Variants in PTPRD observed in about 807,000 individuals in gnomAD.
PTPRD encodes protein tyrosine phosphatase receptor type D, also known as receptor-type tyrosine-protein phosphatase delta.
In PTPRD, 34 loss-of-function variants were observed where a neutral mutation model predicts 214.5. The ratio of observed to expected loss-of-function variants is 0.16; its 90% CI spans 0.12 to 0.21. The LOEUF (loss-of-function observed/expected upper bound fraction) is 0.21. Ranked by LOEUF, PTPRD falls within the 10% of genes least tolerant of loss-of-function variation. The pLI, the probability that PTPRD is intolerant of heterozygous loss-of-function variation, is 1.00. For synonymous variants in PTPRD, 1,128 were observed against 845.7 expected, an observed-to-expected ratio of 1.33 and a Z score of -5.79; for missense variants, 2,545 against 2,398.7, an observed-to-expected ratio of 1.06 and a Z score of -1.27.
In PTPRD at chr9:8,641,811, C is replaced by A. The variant is rs563546914; in HGVS notation, c.65-4967G>T. ...AGTTAGATTGTTTCTTAAAGTCTAA[C>A]CAATGCACAGTATCTTTGAACCTAA... On this transcript the variant is annotated intron_variant, in intron 12 of 45. Coordinates refer to ENST00000381196, the MANE Select transcript of PTPRD (RefSeq NM_002839.4). 2.4e-4 allele frequency among the ~76,000 whole-genome samples: 37 copies of A among 152,304 alleles called. No individual in the cohort carries two copies. The South Asian group carries it at 7.1e-3, about 29-fold the overall frequency.
chr9:10,277,940 T>C (rs2094817807), intron 3 of PTPRD, among the ~76,000 whole-genome samples: 2 of 151,886 alleles, frequency 1.3e-5, no homozygotes, highest in African/African-American at 4.8e-5. Context: ...GGGCGGATCA[T>C]GAGGTCGGGA....
intron 2 of PTPRD, among the ~76,000 whole-genome samples, chr9:10,457,351 A>G (rs75804039): frequency 0.012 from 1,823 of 151,936 alleles, 33 homozygotes; most frequent in African/African-American, 0.04. Context: ...CATTATTTGA[A>G]CTTCTATTTC....
intron 10 of PTPRD, among the ~76,000 whole-genome samples, chr9:9,070,784 A>G (rs896205160): frequency 6.6e-6 from 1 of 152,184 alleles, no homozygotes; most frequent in Non-Finnish European, 1.5e-5. Context: ...ATCACACTTT[A>G]TAAGTAAAAC....
At chr9:10,382,926 G>C (rs7847228) in intron 2 of PTPRD, among the ~76,000 whole-genome samples, 4,720 of 150,452 alleles carry the variant, frequency 0.031, 240 homozygotes, top group African/African-American at 0.11. Flanking sequence ...TGAGGAGAGA[G>C]ACCGTCCCTT....
chr9:10,606,694 T>G (rs1273059220), intron 2 of PTPRD, among the ~76,000 whole-genome samples: 1 of 151,842 alleles, frequency 6.6e-6, no homozygotes, highest in African/African-American at 2.4e-5. Flanking sequence ...AATGGAAGTA[T>G]TCCTATGATA....
At chr9:10,322,084 G>C (rs12376577) in intron 3 of PTPRD, among the ~76,000 whole-genome samples, 1 of 151,794 alleles carries the variant, frequency 6.6e-6, no homozygotes, top group Admixed American at 6.6e-5. Context: ...TGAACCATCC[G>C]CATGAGGGTT....
At chr9:10,140,784 G>C (rs1345255502) in intron 3 of PTPRD, among the ~76,000 whole-genome samples, 2 of 151,896 alleles carry the variant, frequency 1.3e-5, no homozygotes, top group African/African-American at 4.8e-5. Context: ...AAGCCGGGCA[G>C]AGACACAACC....
In PTPRD at chr9:8,389,267, C is replaced by T; in HGVS notation, c.4351G>A (p.Val1451Ile). 1 of 1,612,092 alleles carries T rather than the reference C, an allele frequency of 6.2e-7. No homozygotes were observed. The highest frequency in any genetic ancestry group is 8.5e-7 in the Non-Finnish European group (1 of 1,178,992). The change falls in exon 37 of 46, where the codon GTT (valine) becomes ATT (isoleucine). Residue 1451 changes from valine to isoleucine, a missense_variant. By Grantham distance (29) the Val-to-Ile change is conservative. Transcript: ENST00000381196. The stretch of plus-strand genomic sequence containing the variant: ...TCTTCTAGTTTTGTCATCATGACAA[C>T]TGTGGCACTCCGTTGTTCCCATATC... ...RMIWEQRSAT[V>I]VMMTKLEERS...
intron 3 of PTPRD, among the ~76,000 whole-genome samples, chr9:10,118,233 T>TATGA (rs1279731533): frequency 6.6e-6 from 1 of 151,670 alleles, no homozygotes; most frequent in African/African-American, 2.4e-5. Context: ...TCTATCTATC[T>TATGA]ACATATATCC....
chr9:9,058,460 T>C (rs2099700619), intron 10 of PTPRD, among the ~76,000 whole-genome samples: 1 of 106,452 alleles, frequency 9.4e-6, no homozygotes, highest in Non-Finnish European at 2.1e-5. Context: ...TTTTTTTTTT[T>C]TTTTTTTTGA....
At chr9:8,710,320 G>A (rs1324805034) in intron 12 of PTPRD, among the ~76,000 whole-genome samples, 1 of 151,918 alleles carries the variant, frequency 6.6e-6, no homozygotes, top group Non-Finnish European at 1.5e-5. Flanking sequence ...AAATCAAGAG[G>A]ATATTAAAAA....
chr9:10,445,838 T>C (rs2154524779), intron 2 of PTPRD, among the ~76,000 whole-genome samples: 1 of 152,108 alleles, frequency 6.6e-6, no homozygotes. Context: ...AGGTCTACTT[T>C]TAAGAAGTTT....
intron 2 of PTPRD, among the ~76,000 whole-genome samples, chr9:10,558,932 G>T (rs889208313): frequency 6.6e-6 from 1 of 152,092 alleles, no homozygotes; most frequent in African/African-American, 2.4e-5. Context: ...GTTTTAAAAG[G>T]TATGCATGTG....
At chr9:9,175,720 G>A (rs1175434418) in intron 10 of PTPRD, among the ~76,000 whole-genome samples, 2 of 148,386 alleles carry the variant, frequency 1.3e-5, no homozygotes, top group Non-Finnish European at 3.0e-5. Flanking sequence ...ACTCTTCTTT[G>A]TGTGATCCGA....
At chr9:10,432,496 T>C (rs666887) in intron 2 of PTPRD, among the ~76,000 whole-genome samples, 2,688 of 152,060 alleles carry the variant, frequency 0.018, 78 homozygotes, top group African/African-American at 0.061. Context: ...TCCTAGTTTT[T>C]CTCCTTTTCC....
At chr9:10,064,720 G>A (rs2097845230) in intron 3 of PTPRD, among the ~76,000 whole-genome samples, 1 of 151,826 alleles carries the variant, frequency 6.6e-6, no homozygotes, top group Non-Finnish European at 1.5e-5. Flanking sequence ...CCCAACCTGA[G>A]GGACAGAATC....
At chr9:9,749,016 G>A (rs1359173) in intron 6 of PTPRD, among the ~76,000 whole-genome samples, 34,337 of 132,428 alleles carry the variant, frequency 0.26, 4,794 homozygotes, top group South Asian at 0.34. Context: ...CCTGCAGGAT[G>A]TGGAGTATAA....
At chr9:9,822,230 G>A (rs998122010) in intron 5 of PTPRD, among the ~76,000 whole-genome samples, 1 of 150,572 alleles carries the variant, frequency 6.6e-6, no homozygotes, top group Non-Finnish European at 1.5e-5. Flanking sequence ...GGCCAACATG[G>A]TGAAACCCCT....
chr9:10,491,671 G>T (rs551944560), intron 2 of PTPRD, among the ~76,000 whole-genome samples: 1 of 151,476 alleles, frequency 6.6e-6, no homozygotes, highest in African/African-American at 2.4e-5. Context: ...AGAGAAAAAA[G>T]TAGTATTTCT....
Sources: gnomAD v4.1 joint callset for allele counts (sites outside exome capture counted in the v4.1 genomes callset) on GRCh38, gnomAD v4.1.1 for gene constraint, MANE v1.5 for transcripts, NCBI Gene and HGNC (gene_info 2026-07-23, HGNC 2026-07-21) for gene names.